The following SCHIP1 variants were observed in gnomAD, a reference collection of about 807,000 sequenced individuals.
SCHIP1 encodes schwannomin-interacting protein 1.
In SCHIP1, 8 loss-of-function variants were observed where a neutral mutation model predicts 29.7. The ratio of observed to expected loss-of-function variants is 0.27; its 90% CI spans 0.16 to 0.49. The LOEUF is 0.49. Among genes scored for constraint, SCHIP1 ranks in the 20% least tolerant of loss-of-function variants. The pLI, the probability that SCHIP1 is intolerant of heterozygous loss-of-function variation, is 0.99. For synonymous variants in SCHIP1, 76 were observed against 94.9 expected (o/e 0.80, Z 1.16); for missense variants, 193 against 294.6 (o/e 0.66, Z 2.52).
At chr3:159,736,502 T>C in the SCHIP1 span, among the ~76,000 whole-genome samples, 1 of 152,138 alleles carries the variant, frequency 6.6e-6, no homozygotes, top group Admixed American at 6.6e-5. Flanking sequence ...CCCCAACTAT[T>C]CTCCTTAAGC....
At chr3:159,669,089 T>G in the SCHIP1 span, among the ~76,000 whole-genome samples, 1 of 152,172 alleles carries the variant, frequency 6.6e-6, no homozygotes, top group Non-Finnish European at 1.5e-5. Context: ...ATGCCCGAAC[T>G]CCAGCTCCAC....
chr3:159,619,007 T>C, the SCHIP1 span, among the ~76,000 whole-genome samples: 1 of 152,214 alleles, frequency 6.6e-6, no homozygotes, highest in South Asian at 2.1e-4. Context: ...TCAGCAATTT[T>C]AAAGGTGACT....
intron 1 of SCHIP1, among the ~76,000 whole-genome samples, chr3:159,851,652 A>G (rs914259177): frequency 1.3e-5 from 2 of 152,200 alleles, no homozygotes; most frequent in South Asian, 2.1e-4. Flanking sequence ...CCTTCAAACT[A>G]GAGCATACTT....
intron 5 of SCHIP1, among the ~76,000 whole-genome samples, chr3:159,891,414 G>C (rs188174113): frequency 2.0e-5 from 3 of 151,284 alleles, no homozygotes; most frequent in African/African-American, 7.3e-5. Flanking sequence ...GGGAGGAAGG[G>C]AGCGAGGGAG....
At chr3:159,278,397 G>A in the SCHIP1 span, among the ~76,000 whole-genome samples, 18 of 151,934 alleles carry the variant, frequency 1.2e-4, no homozygotes, top group Admixed American at 8.5e-4. Flanking sequence ...GGTTAAAGGA[G>A]AAAAAAGCAG....
the SCHIP1 span, among the ~76,000 whole-genome samples, chr3:159,391,269 A>G: frequency 0.22 from 34,105 of 152,156 alleles, 4,034 homozygotes; most frequent in Middle Eastern, 0.29. Flanking sequence ...ATCCTGATGA[A>G]TTCATGAATT....
the SCHIP1 span, among the ~76,000 whole-genome samples, chr3:159,741,887 A>T: frequency 6.6e-6 from 1 of 152,204 alleles, no homozygotes; most frequent in South Asian, 2.1e-4. Flanking sequence ...GTCTTAGACT[A>T]ATCAGGGAGC....
chr3:159,588,271 T>C, the SCHIP1 span, among the ~76,000 whole-genome samples: 1 of 152,254 alleles, frequency 6.6e-6, no homozygotes, highest in African/African-American at 2.4e-5. Flanking sequence ...TGTCTTCTTC[T>C]GAGAAGTGTA....
chr3:159,445,068 C>A, the SCHIP1 span, among the ~76,000 whole-genome samples: 1 of 152,004 alleles, frequency 6.6e-6, no homozygotes, highest in East Asian at 1.9e-4. Flanking sequence ...GCAAAAGGAA[C>A]TACCATCAGA....
intron 2 of SCHIP1, among the ~76,000 whole-genome samples, chr3:159,866,680 G>T (rs1371798525): frequency 6.6e-6 from 1 of 151,996 alleles, no homozygotes; most frequent in Non-Finnish European, 1.5e-5. Context: ...ACATTTGATT[G>T]CAATAAATAC....
the SCHIP1 span, among the ~76,000 whole-genome samples, chr3:159,435,531 G>A: frequency 6.6e-6 from 1 of 152,026 alleles, no homozygotes. Flanking sequence ...TGTCACCTTG[G>A]GTTTCTGGGA....
the SCHIP1 span, among the ~76,000 whole-genome samples, chr3:159,730,539 A>G: frequency 6.6e-6 from 1 of 152,232 alleles, no homozygotes; most frequent in Non-Finnish European, 1.5e-5. Context: ...TGCAATGAGT[A>G]GCTCTATTAA....
At chr3:159,460,073 T>C in the SCHIP1 span, among the ~76,000 whole-genome samples, 1 of 152,342 alleles carries the variant, frequency 6.6e-6, no homozygotes, top group African/African-American at 2.4e-5. Context: ...CGGCTTCTCA[T>C]CAACTCTTAC....
At chr3:159,888,832 C>G in exon 5 of SCHIP1, 1 of 1,613,906 alleles carries the variant, frequency 6.2e-7, no homozygotes, top group African/African-American at 1.3e-5. Context: ...GCCACACATG[C>G]CTCATATAAG....
At chr3:159,481,928 G>C in the SCHIP1 span, among the ~76,000 whole-genome samples, 1 of 152,096 alleles carries the variant, frequency 6.6e-6, no homozygotes, top group African/African-American at 2.4e-5. Flanking sequence ...GGAGGTTGTG[G>C]GGTGATTAGA....
chr3:159,338,150 A>T, the SCHIP1 span, among the ~76,000 whole-genome samples: 1 of 152,320 alleles, frequency 6.6e-6, no homozygotes, highest in South Asian at 2.1e-4. Flanking sequence ...TTGCCTTTAC[A>T]ATCCTAAAAA....
At chr3:159,888,938 T>C in exon 5 of SCHIP1, 8 of 1,613,930 alleles carry the variant, frequency 5.0e-6, no homozygotes, top group Non-Finnish European at 6.8e-6. Flanking sequence ...CATTCCCAGA[T>C]AGAAAGTAAG....
chr3:159,833,419 C>T, the SCHIP1 span, among the ~76,000 whole-genome samples: 1 of 152,178 alleles, frequency 6.6e-6, no homozygotes, highest in Non-Finnish European at 1.5e-5. Flanking sequence ...TCTCTTATGC[C>T]TCCCCGACTT....
chr3:159,649,604 T>A, the SCHIP1 span, among the ~76,000 whole-genome samples: 1 of 152,062 alleles, frequency 6.6e-6, no homozygotes, highest in East Asian at 1.9e-4. Context: ...AATTGAAGAA[T>A]CAAATCTGTA....
Sources: gnomAD v4.1 joint callset for allele counts (sites outside exome capture counted in the v4.1 genomes callset) on GRCh38, gnomAD v4.1.1 for gene constraint, MANE v1.5 for transcripts, NCBI Gene and HGNC (gene_info 2026-07-23, HGNC 2026-07-21) for gene names.